Variants in DGKH observed in about 807,000 individuals in gnomAD.
DGKH encodes the protein DAG kinase eta.
A neutral mutation model predicts 159.3 loss-of-function variants in DGKH; 90 were observed. That is an observed-to-expected ratio of 0.57 (90% CI 0.48 to 0.67). The LOEUF (loss-of-function observed/expected upper bound fraction) is 0.67. Ranked by LOEUF, DGKH falls within the 30% of genes least tolerant of loss-of-function variation. The pLI is 0.00. For missense variants in DGKH, 1,181 were observed against 1,506.1 expected (o/e 0.78, Z 3.57); for synonymous variants, 536 against 553.8 (o/e 0.97, Z 0.45).
intron 30 of DGKH, among the ~76,000 whole-genome samples, chr13:42,252,870 C>T (rs767053001): frequency 9.2e-5 from 14 of 151,950 alleles, no homozygotes; most frequent in Admixed American, 7.2e-4. Flanking sequence ...GCCTCAGCCT[C>T]CCAAGGAGCT....
chr13:42,121,212 G>A (rs1457714703), intron 1 of DGKH, among the ~76,000 whole-genome samples: 1 of 152,074 alleles, frequency 6.6e-6, no homozygotes, highest in African/African-American at 2.4e-5. Context: ...CGTACTTTGA[G>A]TTCTCATGCA....
intron 15 of DGKH, among the ~76,000 whole-genome samples, chr13:42,190,126 A>G (rs1957025960): frequency 1.3e-5 from 2 of 152,198 alleles, no homozygotes; most frequent in Admixed American, 1.3e-4. Flanking sequence ...TTAATGTTCA[A>G]AAACCCCTTT....
chr13:42,090,438 T>C (rs1954394411), intron 1 of DGKH, among the ~76,000 whole-genome samples: 1 of 152,068 alleles, frequency 6.6e-6, no homozygotes. Flanking sequence ...GGACCCCAAA[T>C]AGACAAAACA....
At chr13:42,059,446 C>T (rs1881987486) in intron 1 of DGKH, among the ~76,000 whole-genome samples, 1 of 152,080 alleles carries the variant, frequency 6.6e-6, no homozygotes, top group African/African-American at 2.4e-5. Context: ...GACGGGGTTT[C>T]TCTATGTTGA....
chr13:42,111,849 C>G (rs1954867677), intron 1 of DGKH, among the ~76,000 whole-genome samples: 1 of 152,158 alleles, frequency 6.6e-6, no homozygotes, highest in African/African-American at 2.4e-5. Context: ...TGGCTTTTGA[C>G]AGGTTGAATT....
chr13:42,214,691 C>T (rs1411478428), intron 25 of DGKH, 79 bp downstream of exon 25: 1 of 1,357,278 alleles, frequency 7.4e-7, no homozygotes, highest in African/African-American at 1.5e-5. Flanking sequence ...TAAAATATGC[C>T]ACGCCCTGTG....
intron 3 of DGKH, among the ~76,000 whole-genome samples, chr13:42,143,211 C>G (rs899793707): frequency 1.3e-5 from 2 of 151,862 alleles, no homozygotes; most frequent in African/African-American, 4.8e-5. Context: ...TATTGATTTG[C>G]GTATGTTGAA....
At chr13:42,196,504 C>T (rs1957207152) in intron 17 of DGKH, among the ~76,000 whole-genome samples, 1 of 152,152 alleles carries the variant, frequency 6.6e-6, no homozygotes, top group Admixed American at 6.5e-5. Context: ...TATAGAAACA[C>T]TATGGAAAAT....
intron 1 of DGKH, among the ~76,000 whole-genome samples, chr13:42,049,255 G>C (rs1225259096): frequency 1.3e-5 from 2 of 152,072 alleles, no homozygotes; most frequent in African/African-American, 2.4e-5. Context: ...GGCTGCGCGG[G>C]AGGCTGCGAG....
Position 42,070,530 on chromosome 13 carries a change from A to G in DGKH, c.192+21565A>G. 2.1e-6 allele frequency: 3 copies of G among 1,409,112 alleles called. No individual in the cohort carries two copies. In the Admixed American group the frequency reaches 5.1e-5, roughly 24 times the overall value. The allele number at this position is 1,409,112 out of a possible 1,614,324, so 87.3% of individuals were successfully genotyped here. On this transcript the variant is annotated intron_variant, in intron 1 of 29. Transcript: ENST00000337343. The stretch of plus-strand genomic sequence containing the variant: ...TACCATTTAGTAACCAATCCTTCAA[A>G]AGATGACTCTTACGGGAATAATGAG...
intron 1 of DGKH, among the ~76,000 whole-genome samples, chr13:42,089,110 C>A (rs575091640): frequency 1.1e-4 from 16 of 152,124 alleles, no homozygotes; most frequent in Non-Finnish European, 1.8e-4. Context: ...CTTTGAAATG[C>A]ATGAAGCAAA....
intron 1 of DGKH, among the ~76,000 whole-genome samples, chr13:42,041,340 G>T (rs1880491240): frequency 6.6e-6 from 1 of 152,122 alleles, no homozygotes; most frequent in Non-Finnish European, 1.5e-5. Flanking sequence ...GGGCGCGCAG[G>T]TTCCCGGGGA....
intron 1 of DGKH, among the ~76,000 whole-genome samples, chr13:42,119,722 A>T (rs925024592): frequency 6.6e-6 from 1 of 152,146 alleles, no homozygotes; most frequent in African/African-American, 2.4e-5. Flanking sequence ...TATCTTAATC[A>T]TTTCTAAATG....
At chr13:42,045,980 TG>T (rs1218988072), upstream of DGKH, among the ~76,000 whole-genome samples, 1 of 152,236 alleles carries the variant, frequency 6.6e-6, no homozygotes, top group Non-Finnish European at 1.5e-5. Context: ...AGGTGTTCTT[TG>T]TTTTAATGGG....
chr13:42,130,183 G>A (rs1955259770), intron 3 of DGKH, among the ~76,000 whole-genome samples: 1 of 152,204 alleles, frequency 6.6e-6, no homozygotes, highest in East Asian at 1.9e-4. Flanking sequence ...TTCAGATCTT[G>A]TAAGATCATG....
chr13:42,247,146 A>C (rs1385638879), downstream of DGKH, among the ~76,000 whole-genome samples: 1 of 152,022 alleles, frequency 6.6e-6, no homozygotes, highest in Non-Finnish European at 1.5e-5. Context: ...AACACACACA[A>C]TTACATACAA....
rs767790371 is a variant in DGKH, at chr13:42,190,471, A to G, written c.1981A>G (p.Thr661Ala). The G allele has an allele frequency of 6.2e-7, 1 of 1,612,036 alleles. No homozygotes were observed. The highest frequency in any genetic ancestry group is 1.1e-5 in the South Asian group (1 of 90,584). Residue 661 changes from threonine to alanine, a missense_variant, in exon 16 of 30, where the codon ACA (threonine) becomes GCA (alanine). By Grantham distance (58) the Thr-to-Ala change is moderately conservative (BLOSUM62 0). Coordinates refer to ENST00000337343, the MANE Select transcript of DGKH (RefSeq NM_178009.5). The part of the protein sequence containing the change: ...NQSSDYDSTE[T>A]DESKEEAKDD... ...GTCCTCTGATTATGACAGCACAGAA[A>G]CAGATGAATCTAAGGAGGAAGCTAA...
rs1017431320 is a variant in DGKH at position 42,172,353 on chromosome 13, C to T, written c.1368-1707C>T. On this transcript the variant is annotated intron_variant, in intron 11 of 29. Transcript: ENST00000337343. ...TCTTGATCTTTTGACCTCTTGACCT[C>T]GTGATCTGCCCGCCTCAGCCTCCCA... is the stretch of plus-strand genomic sequence containing the variant. Among the ~76,000 whole-genome samples, 22 of 152,070 alleles carry T rather than the reference C, an allele frequency of 1.4e-4. No individual in the cohort carries two copies. In the South Asian group the frequency reaches 4.2e-3, roughly 29 times the overall value.
intron 1 of DGKH, among the ~76,000 whole-genome samples, chr13:42,080,352 T>G (rs1310835493): frequency 2.0e-5 from 3 of 152,194 alleles, no homozygotes; most frequent in African/African-American, 4.8e-5. Context: ...GGATGAGCAC[T>G]TGTGGTTATG....
Sources: gnomAD v4.1 joint callset for allele counts (sites outside exome capture counted in the v4.1 genomes callset) on GRCh38, gnomAD v4.1.1 for gene constraint, MANE v1.5 for transcripts, NCBI Gene and HGNC (gene_info 2026-07-23, HGNC 2026-07-21) for gene names.